The following ITPRIP variants were observed in gnomAD, a reference collection of about 807,000 sequenced individuals.
The protein encoded by ITPRIP is inositol 1,4,5-trisphosphate receptor-interacting protein.
A neutral mutation model predicts 35.8 loss-of-function variants in ITPRIP; 32 were observed. The ratio of observed to expected loss-of-function variants is 0.89; its 90% CI spans 0.68 to 1.20. The LOEUF is 1.20. Ranked by LOEUF, ITPRIP falls within the 50% of genes most tolerant of loss-of-function variation. ITPRIP has a pLI of 0.00. For synonymous variants in ITPRIP, 358 were observed against 324.0 expected (o/e 1.11, Z -1.13); for missense variants, 653 against 735.6 (o/e 0.89, Z 1.30).
At position 104,314,713 on chromosome 10, in the gene ITPRIP, C is replaced by T. The variant is rs200422800; in HGVS notation, c.1339G>A (p.Ala447Thr). ...LLHLLLLRQA[A>T]DWKAGQLDAR... ...TCCAGCTGCCCCGCCTTCCAGTCGGCGGCCTGCCGGAGGAGTAGGAGGTGC... is the reference window on the plus strand; with the variant it reads ...TCCAGCTGCCCCGCCTTCCAGTCGGTGGCCTGCCGGAGGAGTAGGAGGTGC... Residue 447 changes from alanine (A) to threonine (T), a missense_variant, in exon 2 of 2, where the codon GCC becomes ACC. Transcript: ENST00000337478. 3.1e-5 allele frequency: 50 copies of T among 1,613,544 alleles called. No individual in the cohort carries two copies. Among genetic ancestry groups the T allele is most frequent in the South Asian group, 1.6e-4 (15 of 91,088 alleles).
intron 1 of ITPRIP, among the ~76,000 whole-genome samples, chr10:104,337,753 C>T (rs2014266483): frequency 6.6e-6 from 1 of 151,482 alleles, no homozygotes; most frequent in South Asian, 2.1e-4. Flanking sequence ...TACCATGAAC[C>T]GAGAAAAAAA....
rs2014283144 is a variant in ITPRIP at position 104,338,318 on chromosome 10, G to A, written c.-86C>T. ...CCAGCACAGGCTTTGCGCGCAGGTC[G>A]AGGGCCGAGGCGCCGCTGCTTGCAG... On this transcript the variant is annotated 5_prime_UTR_variant, in exon 1 of 2. Coordinates refer to ENST00000337478, the MANE Select transcript of ITPRIP (RefSeq NM_001272013.2). 6.5e-6 allele frequency: 1 copy of A among 152,936 alleles called. No homozygotes were observed. Among genetic ancestry groups the A allele is most frequent in the East Asian group, 1.9e-4 (1 of 5,178 alleles). 9.5% of individuals were successfully genotyped at this position (152,936 alleles called of 1,614,324 possible).
Position 104,313,720 on chromosome 10 carries a change from C to T in ITPRIP, c.*688G>A, listed in dbSNP as rs1324115936. The T allele has an allele frequency of 1.0e-6, 1 of 985,318 alleles. No homozygotes were observed. The highest frequency in any genetic ancestry group is 1.2e-6 in the Non-Finnish European group (1 of 830,000). 61.0% of individuals were successfully genotyped at this position (985,318 alleles called of 1,614,324 possible). ...CCTGAGTGAGAAGTGTAGGGTGCAG[C>T]TGAGTGAGAAGTGTAGCTGAAAAAG... On this transcript the variant is annotated 3_prime_UTR_variant, in exon 2 of 2. Transcript: ENST00000337478.
At position 104,314,030 on chromosome 10, in the gene ITPRIP, T is replaced by C; in HGVS notation, c.*378A>G. The C allele has an allele frequency of 9.8e-7, 1 of 1,016,692 alleles. No homozygotes were observed. The highest frequency in any genetic ancestry group is 4.1e-5 in the South Asian group (1 of 24,578). The allele number at this position is 1,016,692 out of a possible 1,614,324, so 63.0% of individuals were successfully genotyped here. On this transcript the variant is annotated 3_prime_UTR_variant, in exon 2 of 2. Transcript: ENST00000337478. ...AGCATTCTTGTAGATCCTCTGCTCATATTCAAGTACAGACTGGATCTGGGA... is the reference window on the plus strand; with the variant it reads ...AGCATTCTTGTAGATCCTCTGCTCACATTCAAGTACAGACTGGATCTGGGA...
intron 1 of ITPRIP, among the ~76,000 whole-genome samples, chr10:104,337,335 A>G (rs1320998252): frequency 6.6e-6 from 1 of 152,172 alleles, no homozygotes; most frequent in Non-Finnish European, 1.5e-5. Context: ...ATTGCGACCA[A>G]TATCTGGTAC....
At chr10:104,335,739 T>C (rs1564868348) in intron 1 of ITPRIP, among the ~76,000 whole-genome samples, 2 of 152,188 alleles carry the variant, frequency 1.3e-5, no homozygotes, top group Non-Finnish European at 2.9e-5. Context: ...GGTTCCCAAT[T>C]AAACTAGCTT....
At chr10:104,332,185 C>T (rs761721318) in intron 1 of ITPRIP, among the ~76,000 whole-genome samples, 1 of 152,046 alleles carries the variant, frequency 6.6e-6, no homozygotes, top group Non-Finnish European at 1.5e-5. Context: ...ATGTGTAAAC[C>T]CCTAGAATGG....
rs952378708 is a variant in ITPRIP, at chr10:104,328,573, C to T, written c.-14+9673G>A. On this transcript the variant is annotated intron_variant, in intron 1 of 1. Transcript: ENST00000337478. This position sits in a 1 kb window ranked among gnomAD's most constrained non-coding sequence, Gnocchi z 4.1. ...AAAGGGGAAGGGACTGGAACAGAAC[C>T]GGGAGTAAACACAAAGGAAAACAAG... is the stretch of plus-strand genomic sequence containing the variant. Among the ~76,000 whole-genome samples, 1 of 152,098 alleles carries T rather than the reference C, an allele frequency of 6.6e-6. No homozygotes were observed. Among genetic ancestry groups the T allele is most frequent in the Non-Finnish European group, 1.5e-5 (1 of 68,010 alleles).
intron 1 of ITPRIP, among the ~76,000 whole-genome samples, chr10:104,329,340 A>C (rs570965942): frequency 6.6e-6 from 1 of 152,278 alleles, no homozygotes; most frequent in African/African-American, 2.4e-5. Flanking sequence ...GGCTAGGAAC[A>C]GTTAGCAAAA....
At chr10:104,319,580 T>C (rs1157343722) in intron 1 of ITPRIP, among the ~76,000 whole-genome samples, 1 of 152,084 alleles carries the variant, frequency 6.6e-6, no homozygotes, top group East Asian at 1.9e-4. Context: ...GGATCCCAGC[T>C]GTCATTTGGC....
rs1427427225 is a variant in ITPRIP, at chr10:104,314,837, G to A, written c.1215C>T (p.His405=). The A allele has an allele frequency of 6.2e-7, 1 of 1,613,908 alleles. No homozygotes were observed. The highest frequency in any genetic ancestry group is 1.7e-5 in the Admixed American group (1 of 60,032). ...AGGATGCTATCTGCAGGCAGCTGAG[G>A]TGGCAGGCGCCCTCGGGCAGTGCCT... ...TLKALPEGAC[H]LSCLQIASFL... The change falls in exon 2 of 2, where the codon CAC becomes CAT. Residue 405 remains histidine (H), a synonymous_variant. Transcript: ENST00000337478.
At position 104,328,648 on chromosome 10, in the gene ITPRIP, C is replaced by G. The variant is rs1265991506; in HGVS notation, c.-14+9598G>C. Among the ~76,000 whole-genome samples the G allele has an allele frequency of 6.6e-6, 1 of 152,066 alleles. No individual in the cohort carries two copies. The highest frequency in any genetic ancestry group is 2.4e-5 in the African/African-American group (1 of 41,398). ...CACTCCCCGCCCCCTTCCACTTTCC[C>G]CCTTTCACTGAGAAACTAGGATGGA... On this transcript the variant is annotated intron_variant, in intron 1 of 1. Coordinates refer to ENST00000337478, the MANE Select transcript of ITPRIP (RefSeq NM_001272013.2). The surrounding 1 kb of genome is among the most constrained non-coding windows in gnomAD (Gnocchi z 4.1).
Position 104,312,825 on chromosome 10 carries a change from T to G in ITPRIP, c.*1583A>C. 1.0e-6 allele frequency: 1 copy of G among 985,268 alleles called. No homozygotes were observed. 61.0% of individuals were successfully genotyped at this position (985,268 alleles called of 1,614,324 possible). ...GGGTAACTGGGCACCCCTGTCAAGT[T>G]GGTTATGCTCTCGGGAAGGCATGGC... On this transcript the variant is annotated 3_prime_UTR_variant, in exon 2 of 2. Coordinates refer to ENST00000337478, the MANE Select transcript of ITPRIP (RefSeq NM_001272013.2).
At position 104,311,328 on chromosome 10, in the gene ITPRIP, T is replaced by A. The variant is rs1039282593; in HGVS notation, c.*3080A>T. The A allele has an allele frequency of 2.0e-5, 3 of 152,168 alleles. No homozygotes were observed. Among genetic ancestry groups the A allele is most frequent in the African/African-American group, 7.2e-5 (3 of 41,444 alleles). 9.4% of individuals were successfully genotyped at this position (152,168 alleles called of 1,614,324 possible). ...AGTCCACTTGGGTTTTCTTTAACTT[T>A]CCATTAAGAAAGAAAGTGAGAGGGC... is the stretch of plus-strand genomic sequence containing the variant. On this transcript the variant is annotated 3_prime_UTR_variant, in exon 2 of 2. Transcript: ENST00000337478.
At chr10:104,316,443 G>T (rs891929454) in intron 1 of ITPRIP, among the ~76,000 whole-genome samples, 2 of 152,184 alleles carry the variant, frequency 1.3e-5, no homozygotes, top group Non-Finnish European at 2.9e-5. Context: ...CAGCTAGAGC[G>T]ATTGGTTCTG....
At chr10:104,330,350 G>C (rs187020050) in intron 1 of ITPRIP, among the ~76,000 whole-genome samples, 28 of 152,344 alleles carry the variant, frequency 1.8e-4, no homozygotes, top group Middle Eastern at 6.8e-3. Flanking sequence ...TGCTAACAGT[G>C]TAAGTGCCTT....
In ITPRIP at chr10:104,317,059, C is replaced by T. The variant is rs554659162; in HGVS notation, c.-13-995G>A. On this transcript the variant is annotated intron_variant, in intron 1 of 1. Coordinates refer to ENST00000337478, the MANE Select transcript of ITPRIP (RefSeq NM_001272013.2). ...CATATTCACTGAACAATAACTGTTT[C>T]GGAAGTAGATTTGAGCCCTTATCCT... Among the ~76,000 whole-genome samples, 41 of 152,332 alleles carry T rather than the reference C, an allele frequency of 2.7e-4. 1 individual carries two copies. The highest frequency in any genetic ancestry group is 7.2e-4 in the African/African-American group (30 of 41,578).
In ITPRIP at chr10:104,333,815, G is replaced by C. The variant is rs1439160688; in HGVS notation, c.-14+4431C>G. 1.3e-5 allele frequency: 2 copies of C among 152,580 alleles called. No homozygotes were observed. The highest frequency in any genetic ancestry group is 2.9e-5 in the Non-Finnish European group (2 of 68,348). The allele number at this position is 152,580 out of a possible 1,614,324, so 9.5% of individuals were successfully genotyped here. ...CCTTGTCCTTTGTCCAGACCTCAGAGGAGGGAGCAGTGACCTGATGGGGAA... is the reference window on the plus strand; with the variant it reads ...CCTTGTCCTTTGTCCAGACCTCAGACGAGGGAGCAGTGACCTGATGGGGAA... On this transcript the variant is annotated intron_variant, in intron 1 of 1. Coordinates refer to ENST00000337478, the MANE Select transcript of ITPRIP (RefSeq NM_001272013.2). This position sits in a 1 kb window ranked among gnomAD's most constrained non-coding sequence, Gnocchi z 4.1.
In ITPRIP at chr10:104,318,915, G is replaced by A. The variant is rs1271827359; in HGVS notation, c.-13-2851C>T. Reference sequence around the variant, plus strand: ...TTTTCTTATGAAAGGAACTGCGATGGGATGGAAATACGCAGATGACCCTGC... The same window carrying A: ...TTTTCTTATGAAAGGAACTGCGATGAGATGGAAATACGCAGATGACCCTGC... On this transcript the variant is annotated intron_variant, in intron 1 of 1. Coordinates refer to ENST00000337478, the MANE Select transcript of ITPRIP (RefSeq NM_001272013.2). Among the ~76,000 whole-genome samples, 3 of 152,264 alleles carry A rather than the reference G, an allele frequency of 2.0e-5. No individual in the cohort carries two copies. The South Asian group carries it at 6.2e-4, about 31-fold the overall frequency.
Sources: gnomAD v4.1 joint callset for allele counts (sites outside exome capture counted in the v4.1 genomes callset) on GRCh38, gnomAD v4.1.1 for gene constraint, Gnocchi (gnomAD v3.1) non-coding constraint, MANE v1.5 for transcripts, NCBI Gene and HGNC (gene_info 2026-07-23, HGNC 2026-07-21) for gene names.